The following FBXO24 variants were observed in gnomAD, a reference collection of about 807,000 sequenced individuals.
The protein encoded by FBXO24 is F-box protein 24, also known as F-box only protein 24.
FBXO24 carries 30 observed loss-of-function variants against 63.5 expected under a neutral mutation model. The observed-to-expected ratio is 0.47, with a 90% CI of 0.35 to 0.64. The LOEUF (loss-of-function observed/expected upper bound fraction) is 0.64. FBXO24 is among the 30% of genes least tolerant of loss of function. FBXO24 has a pLI of 0.00. For synonymous variants in FBXO24, 300 were observed against 305.0 expected, an observed-to-expected ratio of 0.98 and a Z score of 0.17; for missense variants, 624 against 763.4, an observed-to-expected ratio of 0.82 and a Z score of 2.15.
At chr7:100,595,836 T>G in intron 8 of FBXO24, 130 bp downstream of exon 8, 1 of 1,296,672 alleles carries the variant, frequency 7.7e-7, no homozygotes, top group Non-Finnish European at 1.1e-6. Flanking sequence ...CCACTCAGTA[T>G]GTAATGCCAG....
intron 8 of FBXO24, among the ~76,000 whole-genome samples, chr7:100,599,371 C>T (rs1238481767): frequency 6.6e-6 from 1 of 152,054 alleles, no homozygotes; most frequent in African/African-American, 2.4e-5. Context: ...GTCAGGAGTT[C>T]GAGACCAGCC....
Position 100,592,970 on chromosome 7 carries a change from T to C in FBXO24, c.746T>C (p.Ile249Thr), listed in dbSNP as rs773581281. 3.7e-6 allele frequency: 6 copies of C among 1,614,164 alleles called. No individual in the cohort carries two copies. The Admixed American group carries it at 1.0e-4, about 27-fold the overall frequency. ...TFHHSMTFKQIVLVGQETQRA... is the reference protein window; with the variant it reads ...TFHHSMTFKQTVLVGQETQRA... ...CACCACTCAATGACCTTCAAGCAGA[T>C]CGTGCTGGTTGGTCAGGAGACCCAG... The change falls in exon 5 of 10, where the codon ATC becomes ACC. Residue 249 changes from isoleucine (I) to threonine (T), a missense_variant. Coordinates refer to ENST00000241071, the MANE Select transcript of FBXO24 (RefSeq NM_033506.3).
chr7:100,595,062 G>A (rs768343607), intron 6 of FBXO24, 40 bp from the exon 7 acceptor site: 5 of 1,611,214 alleles, frequency 3.1e-6, no homozygotes, highest in Admixed American at 1.7e-5. Flanking sequence ...TAGGAAATGG[G>A]TGCCCAAAGC....
intron 1 of FBXO24, chr7:100,589,715 A>T: frequency 6.5e-7 from 1 of 1,547,554 alleles, no homozygotes; most frequent in Non-Finnish European, 8.7e-7. Flanking sequence ...GGGAGGGGGC[A>T]ATCAGGATGG....
chr7:100,589,444 CT>C, intron 1 of FBXO24: 1 of 1,246,308 alleles, frequency 8.0e-7, no homozygotes, highest in Non-Finnish European at 1.0e-6. Flanking sequence ...ATGCATATCC[CT>C]TGAGCCATGT....
intron 8 of FBXO24, among the ~76,000 whole-genome samples, chr7:100,597,150 C>T (rs969093869): frequency 6.6e-6 from 1 of 152,146 alleles, no homozygotes; most frequent in African/African-American, 2.4e-5. Context: ...AAAAGCAACT[C>T]TGAGAAGTAG....
At chr7:100,587,639 G>A (rs1450910234) in intron 1 of FBXO24, among the ~76,000 whole-genome samples, 2 of 130,486 alleles carry the variant, frequency 1.5e-5, no homozygotes, top group Non-Finnish European at 3.1e-5. Context: ...TGATTCTGTC[G>A]CCCAGGCTGG....
Position 100,594,242 on chromosome 7 carries a change from G to T in FBXO24, c.794-141G>T. 1.2e-6 allele frequency: 1 copy of T among 843,972 alleles called. No homozygotes were observed. The highest frequency in any genetic ancestry group is 2.9e-5 in the East Asian group (1 of 34,548). The allele number at this position is 843,972 out of a possible 1,614,324, so 52.3% of individuals were successfully genotyped here. ...TGGGAACTGGAGTCTGGGGGACTTG[G>T]GGTCACTCTTCCCTTATTTCTTTCT... On this transcript the variant is annotated intron_variant, in intron 5 of 9. Coordinates refer to ENST00000241071, the MANE Select transcript of FBXO24 (RefSeq NM_033506.3). The surrounding 1 kb of genome is among the most constrained non-coding windows in gnomAD (Gnocchi z 4.2).
rs200813666 is a variant in FBXO24, at chr7:100,600,714, G to A, written c.1558G>A (p.Glu520Lys). The A allele has an allele frequency of 6.8e-6, 11 of 1,614,204 alleles. No individual in the cohort carries two copies. Among genetic ancestry groups the A allele is most frequent in the Admixed American group, 5.0e-5 (3 of 60,028 alleles). Residue 520 changes from glutamate to lysine, a missense_variant, in exon 10 of 10, where the codon GAG (glutamate) becomes AAG (lysine). Physicochemically the swap from Glu to Lys is moderately conservative, Grantham distance 56. Around this residue, in one of 3 missense-constraint regions of FBXO24, gnomAD observed 216 missense variants for 245.2 expected, o/e 0.88. Coordinates refer to ENST00000241071, the MANE Select transcript of FBXO24 (RefSeq NM_033506.3). The surrounding 1 kb of genome is among the most constrained non-coding windows in gnomAD (Gnocchi z 6.3). Reference sequence around the variant, plus strand: ...CCCCGGGGGGATGGCCCAGGCCTGCGAGGAGTACCTCAGCCAGATCCACAG... The same window carrying A: ...CCCCGGGGGGATGGCCCAGGCCTGCAAGGAGTACCTCAGCCAGATCCACAG... Reference protein sequence around the residue: ...QDPGGMAQACEEYLSQIHSCQ... With the variant: ...QDPGGMAQACKEYLSQIHSCQ...
At chr7:100,597,900 T>TG (rs1192870819) in intron 8 of FBXO24, among the ~76,000 whole-genome samples, 51 of 151,294 alleles carry the variant, frequency 3.4e-4, no homozygotes, top group African/African-American at 1.2e-3. Flanking sequence ...TTTGTTTTTT[T>TG]TTTTTTTAGA....
At chr7:100,589,883 C>A in intron 1 of FBXO24, 94 bp from the exon 2 acceptor site, 2 of 1,551,896 alleles carry the variant, frequency 1.3e-6, no homozygotes, top group African/African-American at 1.4e-5. Context: ...ATAACTGTGC[C>A]CAGCTAGAGT....
chr7:100,593,817 A>G (rs957449409), intron 5 of FBXO24, among the ~76,000 whole-genome samples: 3 of 151,490 alleles, frequency 2.0e-5, no homozygotes, highest in Admixed American at 6.6e-5. Flanking sequence ...AAAAAAAAAA[A>G]AAATCAGATG....
chr7:100,586,761 A>G, intron 1 of FBXO24, 97 bp downstream of exon 1: 1 of 1,384,174 alleles, frequency 7.2e-7, no homozygotes, highest in Admixed American at 1.7e-5. Context: ...TGCGAGCTGG[A>G]CGTGTTAGGG....
chr7:100,592,103 AC>A (rs994288649), intron 4 of FBXO24: 32 of 522,128 alleles, frequency 6.1e-5, no homozygotes, highest in Admixed American at 2.9e-4. Context: ...TACTAAAAAT[AC>A]AAAAATTAGC....
Position 100,595,255 on chromosome 7 carries a change from G to A in FBXO24, c.1074+32G>A, listed in dbSNP as rs114682363. On this transcript the variant is annotated intron_variant, in intron 7 of 9. Coordinates refer to ENST00000241071, the MANE Select transcript of FBXO24 (RefSeq NM_033506.3). The stretch of plus-strand genomic sequence containing the variant: ...TCCTGGAGGGACGGGGCAAACCAGA[G>A]GGGTGGCGCTGTAGGGATTGGAAGG... The A allele has an allele frequency of 9.3e-6, 15 of 1,613,946 alleles. No homozygotes were observed. The African/African-American group carries it at 1.9e-4, about 20-fold the overall frequency.
intron 7 of FBXO24, among the ~76,000 whole-genome samples, 174 bp downstream of exon 7, chr7:100,595,397 A>G (rs1802256957): frequency 6.6e-6 from 1 of 152,042 alleles, no homozygotes; most frequent in African/African-American, 2.4e-5. Flanking sequence ...AGGAGGGAGT[A>G]TCGCTTGAGC....
chr7:100,586,541 G>C lies in FBXO24; in HGVS notation c.-85G>C. 7.2e-7 allele frequency: 1 copy of C among 1,394,864 alleles called. No homozygotes were observed. Among genetic ancestry groups the C allele is most frequent in the Non-Finnish European group, 1.0e-6 (1 of 983,288 alleles). 86.4% of individuals were successfully genotyped at this position (1,394,864 alleles called of 1,614,324 possible). On this transcript the variant is annotated 5_prime_UTR_variant, in exon 1 of 10. Transcript: ENST00000241071. ...CCAATCGTAAGCCAGATACAGGCGAGTGACTGTCAAGAAGGCCAATTAGAG... is the reference window on the plus strand; with the variant it reads ...CCAATCGTAAGCCAGATACAGGCGACTGACTGTCAAGAAGGCCAATTAGAG...
chr7:100,594,233 G>A lies in FBXO24; in HGVS notation c.794-150G>A, dbSNP rs1333262122. ...GATTTATGGTGGGAACTGGAGTCTG[G>A]GGGACTTGGGGTCACTCTTCCCTTA... is the stretch of plus-strand genomic sequence containing the variant. On this transcript the variant is annotated intron_variant, in intron 5 of 9. Coordinates refer to ENST00000241071, the MANE Select transcript of FBXO24 (RefSeq NM_033506.3). This position sits in a 1 kb window ranked among gnomAD's most constrained non-coding sequence, Gnocchi z 4.2. The A allele has an allele frequency of 5.2e-6, 4 of 764,382 alleles. No individual in the cohort carries two copies. In the African/African-American group the frequency reaches 5.5e-5, roughly 10 times the overall value. The allele number at this position is 764,382 out of a possible 1,614,324, so 47.3% of individuals were successfully genotyped here.
chr7:100,593,164 T>C, intron 5 of FBXO24, 147 bp downstream of exon 5: 1 of 628,854 alleles, frequency 1.6e-6, no homozygotes, highest in Admixed American at 2.8e-5. Context: ...CCCTTCTCTG[T>C]CTCCTAGTCT....
Sources: gnomAD v4.1 joint callset for allele counts (sites outside exome capture counted in the v4.1 genomes callset) on GRCh38, gnomAD v4.1.1 for gene constraint, gnomAD v4.1.1 regional missense constraint, Gnocchi (gnomAD v3.1) non-coding constraint, MANE v1.5 for transcripts, NCBI Gene and HGNC (gene_info 2026-07-23, HGNC 2026-07-21) for gene names.